The following RBM33 variants were observed in gnomAD, a reference collection of about 807,000 sequenced individuals.
RBM33 encodes the protein RNA binding motif protein 33, also known as RNA-binding protein 33.
Under a neutral mutation model 132.6 loss-of-function variants are expected in RBM33, and 28 were observed. That is an observed-to-expected ratio of 0.21 (90% CI 0.16 to 0.29). The LOEUF is 0.29. Among genes scored for constraint, RBM33 ranks in the 10% least tolerant of loss-of-function variants. RBM33 has a pLI of 1.00. For missense variants in RBM33, 1,291 were observed against 1,518.5 expected (o/e 0.85, Z 2.49); for synonymous variants, 634 against 593.0 (o/e 1.07, Z -1.01).
intron 12 of RBM33, 64 bp from the exon 13 acceptor site, chr7:155,741,755 C>A: frequency 7.2e-7 from 1 of 1,396,814 alleles, no homozygotes. Context: ...TAATAATGTG[C>A]CTTTTAATGT....
chr7:155,664,265 AT>A (rs56158019), intron 1 of RBM33, among the ~76,000 whole-genome samples: 100,811 of 149,612 alleles, frequency 0.67, 34,268 homozygotes, highest in South Asian at 0.77. Flanking sequence ...GTGTATATAC[AT>A]TTTTTTTTTT....
intron 14 of RBM33, among the ~76,000 whole-genome samples, chr7:155,756,046 C>A (rs1367241657): frequency 6.6e-6 from 1 of 152,188 alleles, no homozygotes; most frequent in Non-Finnish European, 1.5e-5. Context: ...ATTTAAAATG[C>A]TGTCTGAACC....
intron 14 of RBM33, among the ~76,000 whole-genome samples, chr7:155,757,535 T>C (rs1801890623): frequency 6.6e-6 from 1 of 152,256 alleles, no homozygotes; most frequent in East Asian, 1.9e-4. Flanking sequence ...TGAAAATAGT[T>C]TCAAAATATG....
chr7:155,772,063 A>G (rs1802443432), intron 16 of RBM33, among the ~76,000 whole-genome samples: 1 of 152,250 alleles, frequency 6.6e-6, no homozygotes, highest in African/African-American at 2.4e-5. Flanking sequence ...ATTTTTAGAC[A>G]AGATAAGTTT....
At chr7:155,741,352 C>T (rs930036811) in intron 12 of RBM33, among the ~76,000 whole-genome samples, 3 of 152,108 alleles carry the variant, frequency 2.0e-5, no homozygotes, top group Non-Finnish European at 2.9e-5. Context: ...TTTCTTCTCC[C>T]GGGGGTCATG....
chr7:155,692,187 G>C (rs1799663499), intron 5 of RBM33, among the ~76,000 whole-genome samples: 1 of 152,042 alleles, frequency 6.6e-6, no homozygotes, highest in Admixed American at 6.6e-5. Flanking sequence ...ATAGGTGTAT[G>C]AAAATATATT....
In RBM33 at chr7:155,741,532, G is replaced by A. The variant is rs1034191253; in HGVS notation, c.2050-287G>A. Among the ~76,000 whole-genome samples, 11 of 152,152 alleles carry A rather than the reference G, an allele frequency of 7.2e-5. 1 individual carries two copies. Among genetic ancestry groups the A allele is most frequent in the African/African-American group, 2.4e-4 (10 of 41,430 alleles). ...TGTCAGTCCCTTTACTGAAGCACCT[G>A]CTAAAGATCAGCCTGGTGTAATTTC... is the stretch of plus-strand genomic sequence containing the variant. On this transcript the variant is annotated intron_variant, in intron 12 of 17. Coordinates refer to ENST00000401878, the MANE Select transcript of RBM33 (RefSeq NM_053043.3).
chr7:155,664,510 G>A (rs915745923), intron 1 of RBM33, among the ~76,000 whole-genome samples: 4 of 151,642 alleles, frequency 2.6e-5, no homozygotes, highest in African/African-American at 4.9e-5. Flanking sequence ...ACCTCAAGCT[G>A]ATCCATCCGC....
rs1263001146 is a variant in RBM33 at position 155,707,039 on chromosome 7, G to C, written c.919G>C (p.Ala307Pro). The change falls in exon 7 of 18, where the codon GCG (alanine) becomes CCG (proline). Residue 307 changes from alanine (A) to proline (P), a missense_variant. This residue lies in a region of RBM33 where 146 missense variants were observed against 137.1 expected (regional missense o/e 1.07). Coordinates refer to ENST00000401878, the MANE Select transcript of RBM33 (RefSeq NM_053043.3). ...GGGCAGGATGAAGGACCACAGACCT[G>C]CGCTGCTTCCTACACAGCCTCCTGT... is the stretch of plus-strand genomic sequence containing the variant. The part of the protein sequence containing the change: ...ERGRMKDHRP[A>P]LLPTQPPVVP... 2 of 1,562,536 alleles carry C rather than the reference G, an allele frequency of 1.3e-6. No homozygotes were observed. The highest frequency in any genetic ancestry group is 2.7e-5 in the African/African-American group (2 of 73,406).
intron 2 of RBM33, 112 bp from the exon 3 acceptor site, chr7:155,672,755 A>G: frequency 3.0e-6 from 2 of 670,292 alleles, no homozygotes; most frequent in East Asian, 3.1e-5. Flanking sequence ...AAAAAAAAAA[A>G]AAAAAAAAAA....
rs1404109795 is a variant in RBM33, at chr7:155,707,051, A to G, written c.931A>G (p.Thr311Ala). Residue 311 changes from threonine (T) to alanine (A), a missense_variant, in exon 7 of 18, where the codon ACA becomes GCA. Physicochemically the swap from Thr to Ala is moderately conservative, Grantham distance 58. Coordinates refer to ENST00000401878, the MANE Select transcript of RBM33 (RefSeq NM_053043.3). ...GGACCACAGACCTGCGCTGCTTCCTACACAGCCTCCTGTCGTGGTAACTTC... is the reference window on the plus strand; with the variant it reads ...GGACCACAGACCTGCGCTGCTTCCTGCACAGCCTCCTGTCGTGGTAACTTC... Reference protein sequence around the residue: ...MKDHRPALLPTQPPVVPQAPP... With the variant: ...MKDHRPALLPAQPPVVPQAPP... The G allele has an allele frequency of 1.9e-6, 3 of 1,553,478 alleles. No individual in the cohort carries two copies. The highest frequency in any genetic ancestry group is 2.0e-5 in the Admixed American group (1 of 50,062).
chr7:155,737,718 C>T (rs1801176767), intron 10 of RBM33, 56 bp downstream of exon 10: 2 of 1,466,850 alleles, frequency 1.4e-6, no homozygotes, highest in Admixed American at 2.7e-5. Context: ...GGGTGATGTG[C>T]CCAAACACAT....
chr7:155,695,353 G>A (rs1291732640), intron 5 of RBM33, among the ~76,000 whole-genome samples: 2 of 152,074 alleles, frequency 1.3e-5, no homozygotes, highest in African/African-American at 4.8e-5. Context: ...ATATATTCTA[G>A]GTAGAGATAG....
chr7:155,671,510 G>T (rs182244130), intron 2 of RBM33, among the ~76,000 whole-genome samples: 1 of 152,298 alleles, frequency 6.6e-6, no homozygotes, highest in East Asian at 1.9e-4. Context: ...AGTTCTAAAA[G>T]GCGTTATATA....
chr7:155,733,954 T>C (rs1040267965), intron 9 of RBM33, among the ~76,000 whole-genome samples: 8 of 152,234 alleles, frequency 5.3e-5, no homozygotes, highest in Non-Finnish European at 1.2e-4. Context: ...TCAGTCTCTT[T>C]GTGAGCACCT....
intron 2 of RBM33, among the ~76,000 whole-genome samples, chr7:155,666,692 G>A (rs932400509): frequency 4.6e-5 from 7 of 152,098 alleles, no homozygotes; most frequent in African/African-American, 1.7e-4. Context: ...TCTTTGAATG[G>A]TCTGTTCATA....
intron 16 of RBM33, among the ~76,000 whole-genome samples, chr7:155,767,970 A>G (rs1243343993): frequency 1.3e-5 from 2 of 152,256 alleles, no homozygotes; most frequent in Non-Finnish European, 2.9e-5. Flanking sequence ...CAGTGAGTCC[A>G]GATGAAAAAA....
At chr7:155,767,745 G>A (rs1329374602) in intron 16 of RBM33, among the ~76,000 whole-genome samples, 1 of 152,144 alleles carries the variant, frequency 6.6e-6, no homozygotes, top group Non-Finnish European at 1.5e-5. Flanking sequence ...TGATAGAGCG[G>A]GCTCCCTAGT....
intron 1 of RBM33, among the ~76,000 whole-genome samples, chr7:155,661,275 A>G (rs926458897): frequency 4.7e-4 from 71 of 150,062 alleles, no homozygotes; most frequent in African/African-American, 1.7e-3. Context: ...AGTAGCTGGG[A>G]TTACAGGCAT....
Sources: gnomAD v4.1 joint callset for allele counts (sites outside exome capture counted in the v4.1 genomes callset) on GRCh38, gnomAD v4.1.1 for gene constraint, gnomAD v4.1.1 regional missense constraint, MANE v1.5 for transcripts, NCBI Gene and HGNC (gene_info 2026-07-23, HGNC 2026-07-21) for gene names.